SNAP25: variants seen among roughly 807,000 people sequenced by gnomAD.
SNAP25 encodes synaptosome associated protein 25.
A neutral mutation model predicts 28.7 loss-of-function variants in SNAP25; 3 were observed. The ratio of observed to expected loss-of-function variants is 0.10; its 90% CI spans 0.05 to 0.27. SNAP25 has a LOEUF of 0.27. Ranked by LOEUF, SNAP25 falls within the 10% of genes least tolerant of loss-of-function variation. The pLI is 1.00. For missense variants in SNAP25, 117 were observed against 278.7 expected (o/e 0.42, Z 4.13); for synonymous variants, 61 against 88.1 (o/e 0.69, Z 1.72).
At chr20:10,220,943 T>C (rs1568566194) in intron 1 of SNAP25, among the ~76,000 whole-genome samples, 1 of 152,134 alleles carries the variant, frequency 6.6e-6, no homozygotes, top group East Asian at 1.9e-4. Flanking sequence ...TGTGTTTCCA[T>C]GTATGTATAT....
intron 3 of SNAP25, among the ~76,000 whole-genome samples, chr20:10,278,944 G>A (rs1004032720): frequency 2.2e-5 from 3 of 137,456 alleles, no homozygotes; most frequent in African/African-American, 5.3e-5. Flanking sequence ...GTGGGAGGGT[G>A]GGGCGAACGT....
chr20:10,252,423 T>G (rs1267910356), intron 1 of SNAP25, among the ~76,000 whole-genome samples: 3 of 152,232 alleles, frequency 2.0e-5, no homozygotes, highest in Non-Finnish European at 4.4e-5. Flanking sequence ...CATTTGCTTC[T>G]TTACTAGATG....
chr20:10,229,868 G>A (rs997613008), intron 1 of SNAP25, among the ~76,000 whole-genome samples: 2 of 151,972 alleles, frequency 1.3e-5, no homozygotes, highest in South Asian at 4.2e-4. Context: ...AAAATACTAG[G>A]CATTTTGTTA....
chr20:10,291,205 C>G (rs2063990332), intron 4 of SNAP25, among the ~76,000 whole-genome samples: 2 of 152,156 alleles, frequency 1.3e-5, no homozygotes, highest in African/African-American at 4.8e-5. Flanking sequence ...TCCCAAGTAG[C>G]TGGGATTACA....
At position 10,275,428 on chromosome 20, in the gene SNAP25, G is replaced by A. The variant is rs978371538; in HGVS notation, c.-63-1G>A. On this transcript the variant is annotated splice_acceptor_variant, in intron 1 of 7. Coordinates refer to ENST00000254976, the MANE Select transcript of SNAP25 (RefSeq NM_130811.4). LOFTEE classifies it low-confidence loss of function (5UTR_SPLICE). ...ATATTTTCATATCTACTTCTTCCCA[G>A]GTCCAGAGCCAAACCCGTCACTGAC... 8 of 1,453,394 alleles carry A rather than the reference G, an allele frequency of 5.5e-6. No individual in the cohort carries two copies. The African/African-American group carries it at 1.1e-4, about 20-fold the overall frequency. The allele number at this position is 1,453,394 out of a possible 1,614,324, so 90.0% of individuals were successfully genotyped here.
intron 1 of SNAP25, among the ~76,000 whole-genome samples, chr20:10,262,260 C>T (rs2063426010): frequency 6.6e-6 from 1 of 152,220 alleles, no homozygotes; most frequent in East Asian, 1.9e-4. Context: ...AGACGAGTCC[C>T]TTCCTCTCCA....
At chr20:10,298,634 A>G (rs537824060) in intron 6 of SNAP25, among the ~76,000 whole-genome samples, 2 of 152,096 alleles carry the variant, frequency 1.3e-5, no homozygotes, top group Admixed American at 6.6e-5. Flanking sequence ...CCACTAAAAA[A>G]CCCATGTTAT....
rs145877347 is a variant in SNAP25, at chr20:10,282,679, G to A, written c.115-2045G>A. Among the ~76,000 whole-genome samples, 119 of 152,306 alleles carry A rather than the reference G, an allele frequency of 7.8e-4. 1 individual carries two copies. In the East Asian group the frequency reaches 0.02, roughly 25 times the overall value. On this transcript the variant is annotated intron_variant, in intron 3 of 7. Transcript: ENST00000254976. ...CATCCACTGTCCCCAGTAGAATGGA[G>A]CGAAGATTTCATGTGTGGCCTGATT...
chr20:10,229,184 T>C (rs1226377622), intron 1 of SNAP25, among the ~76,000 whole-genome samples: 1 of 152,184 alleles, frequency 6.6e-6, no homozygotes, highest in East Asian at 1.9e-4. Flanking sequence ...AGAAATTTTC[T>C]GTAAGCTATT....
intron 2 of SNAP25, 92 bp downstream of exon 2, chr20:10,275,655 A>G: frequency 9.8e-7 from 1 of 1,022,182 alleles, no homozygotes; most frequent in Non-Finnish European, 1.4e-6. Context: ...CTTTCTTTCA[A>G]TGTCTCAATT....
chr20:10,254,107 G>C (rs2063277920), intron 1 of SNAP25, among the ~76,000 whole-genome samples: 2 of 152,210 alleles, frequency 1.3e-5, no homozygotes, highest in Non-Finnish European at 2.9e-5. Flanking sequence ...AGATCCCTTT[G>C]TTCCCTTTTA....
At chr20:10,242,097 GTC>G (rs1391775115) in intron 1 of SNAP25, among the ~76,000 whole-genome samples, 1 of 152,206 alleles carries the variant, frequency 6.6e-6, no homozygotes, top group Non-Finnish European at 1.5e-5. Context: ...TGTCTCCACA[GTC>G]TCCGCCTGGA....
intron 1 of SNAP25, among the ~76,000 whole-genome samples, chr20:10,265,477 A>G (rs1207053463): frequency 6.6e-6 from 1 of 152,232 alleles, no homozygotes; most frequent in Non-Finnish European, 1.5e-5. Context: ...TCTGTCTTAC[A>G]GAACAAGACT....
At chr20:10,281,367 C>T (rs1444573333) in intron 3 of SNAP25, among the ~76,000 whole-genome samples, 2 of 152,146 alleles carry the variant, frequency 1.3e-5, no homozygotes, top group African/African-American at 4.8e-5. Flanking sequence ...ACAAAAGCAA[C>T]CTAGTTATTT....
chr20:10,248,023 A>G (rs964060855), intron 1 of SNAP25, among the ~76,000 whole-genome samples: 17 of 152,314 alleles, frequency 1.1e-4, no homozygotes, highest in Middle Eastern at 3.4e-3. Flanking sequence ...CTCATGATCC[A>G]TTAGACTAGC....
chr20:10,266,082 C>T (rs1429894756), intron 1 of SNAP25, among the ~76,000 whole-genome samples: 2 of 152,142 alleles, frequency 1.3e-5, no homozygotes, highest in Non-Finnish European at 2.9e-5. Context: ...TGACAACTAA[C>T]AGTTGTGCGG....
At chr20:10,250,833 C>T (rs571330244) in intron 1 of SNAP25, among the ~76,000 whole-genome samples, 13 of 152,208 alleles carry the variant, frequency 8.5e-5, no homozygotes, top group African/African-American at 2.2e-4. Context: ...TCTTTAGATA[C>T]GCAAATACTT....
intron 1 of SNAP25, among the ~76,000 whole-genome samples, chr20:10,239,591 A>AGC (rs2062988207): frequency 6.6e-6 from 1 of 152,242 alleles, no homozygotes. Context: ...GCACTAACTG[A>AGC]GCGCTCTATG....
intron 1 of SNAP25, among the ~76,000 whole-genome samples, chr20:10,257,251 T>G (rs1331673112): frequency 6.6e-6 from 1 of 152,186 alleles, no homozygotes; most frequent in Non-Finnish European, 1.5e-5. Context: ...GGAGAAAGAA[T>G]AAATATTTAT....
Sources: allele counts gnomAD v4.1 joint callset (sites outside exome capture counted in the v4.1 genomes callset), GRCh38; gene constraint gnomAD v4.1.1; transcripts MANE v1.5; gene names NCBI Gene and HGNC (gene_info 2026-07-23, HGNC 2026-07-21).